ZC3HAV1: variants seen among roughly 807,000 people sequenced by gnomAD.
ZC3HAV1 encodes the protein zinc finger CCCH-type containing, antiviral 1.
Under a neutral mutation model 86.6 loss-of-function variants are expected in ZC3HAV1, and 41 were observed. That is an observed-to-expected ratio of 0.47 (90% CI 0.37 to 0.61). The LOEUF (loss-of-function observed/expected upper bound fraction) is 0.61. ZC3HAV1 is among the 20% of genes least tolerant of loss of function. ZC3HAV1 has a pLI of 0.00. For synonymous variants in ZC3HAV1, 421 were observed against 432.1 expected, an observed-to-expected ratio of 0.97 and a Z score of 0.32; for missense variants, 964 against 1,141.1, an observed-to-expected ratio of 0.84 and a Z score of 2.24.
rs142686573 is a variant in ZC3HAV1, at chr7:139,068,024, TTTATTATTATTATTA to T, written c.1873-3040_1873-3026del. ...GGTATAGGGAGGACCTCTTTCTTTC[TTTATTATTATTATTA>T]TTATTATTATTATTATTATTATTAT... On this transcript the variant is annotated intron_variant, in intron 7 of 12. Transcript: ENST00000242351. Among the ~76,000 whole-genome samples the T allele has an allele frequency of 6.5e-3, 923 of 142,072 alleles. 7 individuals are homozygous for T. Among genetic ancestry groups the T allele is most frequent in the African/African-American group, 0.019 (734 of 38,624 alleles). The allele number at this position is 142,072 out of a possible 152,430, so 93.2% of individuals were successfully genotyped here.
rs774883932 is a variant in ZC3HAV1 at position 139,079,545 on chromosome 7, C to T, written c.1396G>A (p.Gly466Arg). ...GCCTGGACATCTCGGGAAGCAGGTC[C>T]AGCATCCTGAATCCTAGGTGATGAT... ...EISSPRIQDAGPASRDVQATG... is the reference protein window; with the variant it reads ...EISSPRIQDARPASRDVQATG... The change falls in exon 4 of 13, where the codon GGA (glycine) becomes AGA (arginine). Residue 466 changes from glycine (G) to arginine (R), a missense_variant. By Grantham distance (125) the Gly-to-Arg change is moderately radical. Transcript: ENST00000242351. 20 of 1,614,082 alleles carry T rather than the reference C, an allele frequency of 1.2e-5. No homozygotes were observed. The East Asian group carries it at 4.5e-4, about 36-fold the overall frequency.
At chr7:139,069,762 G>A (rs1349621092) in intron 7 of ZC3HAV1, among the ~76,000 whole-genome samples, 1 of 152,154 alleles carries the variant, frequency 6.6e-6, no homozygotes, top group Non-Finnish European at 1.5e-5. Flanking sequence ...TGCCTACTCT[G>A]TTGGCAGAAG....
intron 1 of ZC3HAV1, among the ~76,000 whole-genome samples, chr7:139,092,820 T>C (rs1483262883): frequency 6.6e-6 from 1 of 152,246 alleles, no homozygotes; most frequent in Non-Finnish European, 1.5e-5. Context: ...CTTATTCCTC[T>C]AGATTCTGTG....
chr7:139,109,388 G>A lies in ZC3HAV1; in HGVS notation c.-57C>T. The A allele has an allele frequency of 2.7e-6, 4 of 1,478,782 alleles. No individual in the cohort carries two copies. The highest frequency in any genetic ancestry group is 3.6e-6 in the Non-Finnish European group (4 of 1,117,102). The allele number at this position is 1,478,782 out of a possible 1,614,324, so 91.6% of individuals were successfully genotyped here. On this transcript the variant is annotated 5_prime_UTR_variant, in exon 1 of 13. Coordinates refer to ENST00000242351, the MANE Select transcript of ZC3HAV1 (RefSeq NM_020119.4). ...GCGGGACTCGGTTCCGCGGAAATCG[G>A]AAATCGAAACTTACAAGTGTCCAGG...
chr7:139,088,635 CT>C (rs1367332371), intron 2 of ZC3HAV1, among the ~76,000 whole-genome samples: 5 of 152,200 alleles, frequency 3.3e-5, no homozygotes, highest in African/African-American at 7.2e-5. Flanking sequence ...GGCTACCCCC[CT>C]GTCCATATGC....
chr7:139,078,810 C>T (rs556810232), intron 4 of ZC3HAV1, among the ~76,000 whole-genome samples, 157 bp from the exon 5 acceptor site: 32 of 152,278 alleles, frequency 2.1e-4, no homozygotes, highest in African/African-American at 6.5e-4. Flanking sequence ...TAGACAGCCC[C>T]TCCATAAAAC....
At position 139,076,373 on chromosome 7, in the gene ZC3HAV1, C is replaced by G; in HGVS notation, c.1610G>C (p.Arg537Pro). 6.2e-7 allele frequency: 1 copy of G among 1,614,066 alleles called. No individual in the cohort carries two copies. Among genetic ancestry groups the G allele is most frequent in the Non-Finnish European group, 8.5e-7 (1 of 1,180,002 alleles). The change falls in exon 6 of 13, where the codon CGG becomes CCG. Residue 537 changes from arginine (R) to proline (P), a missense_variant. Transcript: ENST00000242351. ...CSKVHFHLPY[R>P]WQMLIGKTWT... Reference sequence around the variant, plus strand: ...GGTTTTACCAATAAGCATCTGCCACCGGTAAGGCAGATGGAAGTGGACTTT... The same window carrying G: ...GGTTTTACCAATAAGCATCTGCCACGGGTAAGGCAGATGGAAGTGGACTTT...
intron 2 of ZC3HAV1, among the ~76,000 whole-genome samples, chr7:139,088,031 C>CAAAAAAAAAAAAAAAAAAA (rs10544425): frequency 1.1e-3 from 63 of 57,812 alleles, no homozygotes; most frequent in South Asian, 2.1e-3. Flanking sequence ...GATCCTGTCT[C>CAAAAAAAAAAAAAAAAAAA]AAAAAAAAAA....
Position 139,089,722 on chromosome 7 carries a change from C to G in ZC3HAV1, c.346G>C (p.Glu116Gln), listed in dbSNP as rs1817375255. 1.2e-6 allele frequency: 2 copies of G among 1,612,570 alleles called. No homozygotes were observed. Among genetic ancestry groups the G allele is most frequent in the South Asian group, 2.2e-5 (2 of 90,754 alleles). ...TGATTTTTCAGGACTTTGAAGTTCTCTTCTGAGAGAACCTCATGAGAATAT... is the reference window on the plus strand; with the variant it reads ...TGATTTTTCAGGACTTTGAAGTTCTGTTCTGAGAGAACCTCATGAGAATAT... ...CKYSHEVLSE[E>Q]NFKVLKNHEL... The change falls in exon 2 of 13, where the codon GAG becomes CAG. Residue 116 changes from glutamate (E) to glutamine (Q), a missense_variant. Transcript: ENST00000242351.
At chr7:139,063,751 T>C (rs1038217851) in intron 8 of ZC3HAV1, among the ~76,000 whole-genome samples, 1 of 150,822 alleles carries the variant, frequency 6.6e-6, no homozygotes, top group East Asian at 1.9e-4. Flanking sequence ...AAAAAAGTGT[T>C]CTGCCTTTTT....
intron 1 of ZC3HAV1, among the ~76,000 whole-genome samples, chr7:139,093,623 C>A (rs1404564284): frequency 6.6e-6 from 1 of 152,324 alleles, no homozygotes; most frequent in Non-Finnish European, 1.5e-5. Flanking sequence ...GTGTCCCCGG[C>A]CCCTGCCCGC....
At chr7:139,093,585 G>C (rs1817492833) in intron 1 of ZC3HAV1, among the ~76,000 whole-genome samples, 1 of 152,094 alleles carries the variant, frequency 6.6e-6, no homozygotes, top group Admixed American at 6.6e-5. Context: ...GCTCATCCTG[G>C]CTCAAAAGCT....
chr7:139,066,849 C>G (rs1015354063), intron 7 of ZC3HAV1, among the ~76,000 whole-genome samples: 2 of 152,180 alleles, frequency 1.3e-5, no homozygotes, highest in African/African-American at 4.8e-5. Context: ...AAAACCCACT[C>G]TGTTCCTGGC....
Position 139,057,690 on chromosome 7 carries a change from C to T in ZC3HAV1, c.2097-2395G>A, listed in dbSNP as rs555442382. ...AGTAGCTGGGACTACAGGCGCCCGCCACCACGCCCGGCTAATTTTTTTGTT... is the reference window on the plus strand; with the variant it reads ...AGTAGCTGGGACTACAGGCGCCCGCTACCACGCCCGGCTAATTTTTTTGTT... On this transcript the variant is annotated intron_variant, in intron 9 of 12. Transcript: ENST00000242351. Among the ~76,000 whole-genome samples, 19 of 79,762 alleles carry T rather than the reference C, an allele frequency of 2.4e-4. 6 individuals carry two copies. Among genetic ancestry groups the T allele is most frequent in the South Asian group, 8.3e-4 (2 of 2,424 alleles). 52.3% of individuals were successfully genotyped at this position (79,762 alleles called of 152,430 possible).
chr7:139,080,974 A>G (rs900434170), intron 3 of ZC3HAV1, among the ~76,000 whole-genome samples: 28 of 152,242 alleles, frequency 1.8e-4, no homozygotes, highest in African/African-American at 5.3e-4. Flanking sequence ...AGTTTTCTTC[A>G]TCTCACTCCA....
chr7:139,054,855 TCGGCTCGCTGCAACCTCCGCCTCC>T (rs1277962948), intron 10 of ZC3HAV1, among the ~76,000 whole-genome samples: 17 of 152,212 alleles, frequency 1.1e-4, no homozygotes. Context: ...TGGCGCGATC[TCGGCTCGCTGCAACCTCCGCCTCC>T]CGGGTACAGG....
chr7:139,104,301 G>A (rs1202605473), intron 1 of ZC3HAV1, among the ~76,000 whole-genome samples: 1 of 147,938 alleles, frequency 6.8e-6, no homozygotes, highest in African/African-American at 2.5e-5. Context: ...GGCAAAAACC[G>A]CAAAGCAAGG....
intron 8 of ZC3HAV1, among the ~76,000 whole-genome samples, chr7:139,061,944 T>C (rs1316168666): frequency 6.6e-6 from 1 of 152,206 alleles, no homozygotes; most frequent in Non-Finnish European, 1.5e-5. Flanking sequence ...AAAAACATTA[T>C]TCCAGAGTGA....
chr7:139,057,197 A>G (rs1451909706), intron 9 of ZC3HAV1, among the ~76,000 whole-genome samples: 3 of 151,838 alleles, frequency 2.0e-5, no homozygotes, highest in Admixed American at 2.0e-4. Flanking sequence ...CTCTAGAAAC[A>G]TTTTTTTTAA....
Sources: gnomAD v4.1 joint callset for allele counts (sites outside exome capture counted in the v4.1 genomes callset) on GRCh38, gnomAD v4.1.1 for gene constraint, MANE v1.5 for transcripts, NCBI Gene and HGNC (gene_info 2026-07-23, HGNC 2026-07-21) for gene names.